DOCK4: variants seen among roughly 807,000 people sequenced by gnomAD.
The protein encoded by DOCK4 is dedicator of cytokinesis 4.
A neutral mutation model predicts 268.1 loss-of-function variants in DOCK4; 97 were observed. That is an observed-to-expected ratio of 0.36 (90% CI 0.31 to 0.43). DOCK4 has a LOEUF of 0.43. DOCK4 is among the 20% of genes least tolerant of loss of function. The pLI is 1.00. For missense variants in DOCK4, 2,145 were observed against 2,455.7 expected (o/e 0.87, Z 2.67); for synonymous variants, 954 against 887.2 (o/e 1.08, Z -1.34).
rs1279104699 is a variant in DOCK4, at chr7:111,822,348, C to A, written c.2930+14G>T. ...TACATTGAGCTGCAATTATCATCAA[C>A]TTAAATGTCTTACTTGTTAGCAACC... On this transcript the variant is annotated intron_variant, in intron 27 of 52. Transcript: ENST00000428084. 3 of 1,603,488 alleles carry A rather than the reference C, an allele frequency of 1.9e-6. No homozygotes were observed. Among genetic ancestry groups the A allele is most frequent in the Non-Finnish European group, 2.6e-6 (3 of 1,171,958 alleles).
At chr7:111,957,985 G>C (rs566437651) in intron 8 of DOCK4, among the ~76,000 whole-genome samples, 9 of 152,256 alleles carry the variant, frequency 5.9e-5, no homozygotes, top group South Asian at 2.1e-4. Context: ...ACAGGGCTGA[G>C]AGCACAGTTC....
intron 7 of DOCK4, among the ~76,000 whole-genome samples, chr7:111,979,966 G>A (rs1214457613): frequency 6.6e-6 from 1 of 152,190 alleles, no homozygotes; most frequent in Non-Finnish European, 1.5e-5. Context: ...GGGGCTGGGG[G>A]TCCAGAGACT....
rs888105945 is a variant in DOCK4, at chr7:112,098,643, G to GAA, written c.38-94513_38-94512insTT. Among the ~76,000 whole-genome samples, 14 of 148,834 alleles carry GAA rather than the reference G, an allele frequency of 9.4e-5. 1 individual carries two copies. The highest frequency in any genetic ancestry group is 5.4e-4 in the Admixed American group (8 of 14,918). The stretch of plus-strand genomic sequence containing the variant: ...ATGTAAATACTTATGTAATTATATA[G>GAA]ATTATGTAAAATTATGTGTAATTTT... On this transcript the variant is annotated intron_variant, in intron 1 of 52. Transcript: ENST00000428084.
At chr7:112,151,627 G>A (rs1816084603) in intron 1 of DOCK4, among the ~76,000 whole-genome samples, 1 of 152,058 alleles carries the variant, frequency 6.6e-6, no homozygotes, top group South Asian at 2.1e-4. Context: ...TGATACTGAG[G>A]TTAAATCTGG....
intron 27 of DOCK4, chr7:111,821,447 C>T (rs543624018): frequency 6.6e-6 from 1 of 152,340 alleles, no homozygotes; most frequent in Admixed American, 6.5e-5. Context: ...TCCTAGAACA[C>T]TTTTCCATTC....
intron 1 of DOCK4, among the ~76,000 whole-genome samples, chr7:112,106,885 A>G (rs1322892364): frequency 1.3e-5 from 2 of 152,232 alleles, no homozygotes; most frequent in African/African-American, 4.8e-5. Context: ...TGAAGGGGAA[A>G]AAAAAGCAGA....
Position 112,041,477 on chromosome 7 carries a change from C to T in DOCK4, c.38-37346G>A, listed in dbSNP as rs189377933. On this transcript the variant is annotated intron_variant, in intron 1 of 52. Transcript: ENST00000428084. ...GTTGGTGGGGTCTTTGACAAACTCACCATTCCATGGATAAAAAACAATTTC... is the reference window on the plus strand; with the variant it reads ...GTTGGTGGGGTCTTTGACAAACTCATCATTCCATGGATAAAAAACAATTTC... Among the ~76,000 whole-genome samples the T allele has an allele frequency of 4.6e-5, 7 of 152,252 alleles. No homozygotes were observed. The East Asian group carries it at 1.4e-3, about 29-fold the overall frequency.
chr7:112,070,614 C>T (rs958489914), intron 1 of DOCK4, among the ~76,000 whole-genome samples: 3 of 151,802 alleles, frequency 2.0e-5, no homozygotes, highest in Admixed American at 6.6e-5. Flanking sequence ...TGCCCAGAGA[C>T]GGAGATTTGA....
chr7:111,908,842 C>T (rs140231906), intron 13 of DOCK4, among the ~76,000 whole-genome samples: 2,608 of 152,206 alleles, frequency 0.017, 81 homozygotes, highest in African/African-American at 0.058. Flanking sequence ...TCATCCATGT[C>T]CCTGCAAAGG....
At chr7:111,928,064 A>C (rs1343787691) in intron 12 of DOCK4, among the ~76,000 whole-genome samples, 1 of 152,190 alleles carries the variant, frequency 6.6e-6, no homozygotes, top group African/African-American at 2.4e-5. Flanking sequence ...CTATAAAAAA[A>C]CTAAGATTAA....
At chr7:111,993,478 G>T (rs1038102996) in intron 5 of DOCK4, among the ~76,000 whole-genome samples, 1 of 152,122 alleles carries the variant, frequency 6.6e-6, no homozygotes. Flanking sequence ...TTGATGTGGG[G>T]TGAGTACTTC....
chr7:112,107,596 G>A (rs992945293), intron 1 of DOCK4, among the ~76,000 whole-genome samples: 2 of 152,180 alleles, frequency 1.3e-5, no homozygotes, highest in South Asian at 2.1e-4. Context: ...TCCAGCAGAC[G>A]AACACAACCA....
chr7:112,035,994 A>G (rs1803720939), intron 1 of DOCK4, among the ~76,000 whole-genome samples: 1 of 152,178 alleles, frequency 6.6e-6, no homozygotes, highest in African/African-American at 2.4e-5. Flanking sequence ...ATAAAAAGGA[A>G]GTTATCTACT....
At chr7:111,871,127 G>C (rs1289496020) in intron 20 of DOCK4, among the ~76,000 whole-genome samples, 1 of 152,180 alleles carries the variant, frequency 6.6e-6, no homozygotes, top group Non-Finnish European at 1.5e-5. Context: ...TTACATAGAT[G>C]GGGGAAGGAT....
At chr7:112,048,597 A>C (rs1376725753) in intron 1 of DOCK4, among the ~76,000 whole-genome samples, 1 of 151,636 alleles carries the variant, frequency 6.6e-6, no homozygotes, top group Non-Finnish European at 1.5e-5. Flanking sequence ...AACAAACAAA[A>C]AGAGAAAAAT....
intron 16 of DOCK4, among the ~76,000 whole-genome samples, chr7:111,880,297 G>C (rs1374550074): frequency 1.3e-5 from 2 of 152,108 alleles, no homozygotes; most frequent in African/African-American, 4.8e-5. Context: ...AGTGCTAAAG[G>C]GGAAAGAAAA....
intron 1 of DOCK4, among the ~76,000 whole-genome samples, chr7:112,125,787 C>A: frequency 6.6e-6 from 1 of 152,106 alleles, no homozygotes; most frequent in East Asian, 1.9e-4. Flanking sequence ...CAATAAATGG[C>A]AGGCTCATCA....
At chr7:111,875,451 T>C (rs1806774830) in intron 17 of DOCK4, among the ~76,000 whole-genome samples, 1 of 152,202 alleles carries the variant, frequency 6.6e-6, no homozygotes, top group Admixed American at 6.5e-5. Flanking sequence ...TTTACCTGTG[T>C]GGTAGGCAGA....
intron 1 of DOCK4, among the ~76,000 whole-genome samples, chr7:112,114,500 T>C (rs890376700): frequency 6.6e-6 from 1 of 152,242 alleles, no homozygotes; most frequent in African/African-American, 2.4e-5. Flanking sequence ...TGAGTAACTA[T>C]TGTGTGTCAG....
Sources: allele counts gnomAD v4.1 joint callset (sites outside exome capture counted in the v4.1 genomes callset), GRCh38; gene constraint gnomAD v4.1.1; transcripts MANE v1.5; gene names NCBI Gene and HGNC (gene_info 2026-07-23, HGNC 2026-07-21).